TMEM131: variants seen among roughly 807,000 people sequenced by gnomAD.
TMEM131 encodes the protein transmembrane protein 131.
TMEM131 carries 66 observed loss-of-function variants against 211.6 expected under a neutral mutation model. The observed-to-expected ratio is 0.31, with a 90% CI of 0.26 to 0.38. The LOEUF (loss-of-function observed/expected upper bound fraction) is 0.38, where lower values mean the gene tolerates loss of function less well. Ranked by LOEUF, TMEM131 falls within the 10% of genes least tolerant of loss-of-function variation. The probability of loss-of-function intolerance (pLI) is 1.00; values close to 1 mark genes in which losing one functional copy is unlikely to be tolerated. For missense variants in TMEM131, 2,036 were observed against 2,299.3 expected (o/e 0.89, Z 2.34); for synonymous variants, 844 against 841.3 (o/e 1.00, Z -0.06).
chr2:97,888,998 C>T (rs560273259), intron 3 of TMEM131, among the ~76,000 whole-genome samples: 1 of 152,002 alleles, frequency 6.6e-6, no homozygotes, highest in Non-Finnish European at 1.5e-5. Flanking sequence ...TAATTTCATT[C>T]AGGATTAAGG....
intron 34 of TMEM131, 36 bp downstream of exon 34, chr2:97,766,442 C>A: frequency 1.9e-6 from 3 of 1,613,402 alleles, no homozygotes; most frequent in Non-Finnish European, 2.5e-6. Context: ...TGAAAAGATC[C>A]GTAAGACATG....
chr2:97,934,471 T>C (rs1677358794), intron 1 of TMEM131, among the ~76,000 whole-genome samples: 1 of 152,194 alleles, frequency 6.6e-6, no homozygotes, highest in Non-Finnish European at 1.5e-5. Context: ...GGGTTTAATG[T>C]AAACCCTGTA....
chr2:97,987,183 A>G (rs938390395), intron 1 of TMEM131, among the ~76,000 whole-genome samples: 2 of 152,260 alleles, frequency 1.3e-5, no homozygotes, highest in African/African-American at 4.8e-5. Flanking sequence ...CCAAACTGCC[A>G]TATCACTTTG....
chr2:97,970,806 G>A (rs1679264105), intron 1 of TMEM131, among the ~76,000 whole-genome samples: 1 of 152,128 alleles, frequency 6.6e-6, no homozygotes, highest in Admixed American at 6.5e-5. Flanking sequence ...TTTTACCCAG[G>A]AGTGTGCAAG....
intron 2 of TMEM131, among the ~76,000 whole-genome samples, chr2:97,920,975 G>C (rs1676717594): frequency 1.3e-5 from 1 of 75,482 alleles, no homozygotes; most frequent in African/African-American, 3.6e-5. Flanking sequence ...TCCCGAGTGT[G>C]TGTGTGTGTG....
At chr2:97,758,212 C>A (rs1481074354) in intron 40 of TMEM131, among the ~76,000 whole-genome samples, 2 of 151,630 alleles carry the variant, frequency 1.3e-5, no homozygotes, top group Admixed American at 1.3e-4. Context: ...TGAATAATTA[C>A]ACATGAAGAC....
chr2:97,955,284 T>A (rs1004806115), intron 1 of TMEM131, among the ~76,000 whole-genome samples: 1 of 152,314 alleles, frequency 6.6e-6, no homozygotes, highest in Admixed American at 6.5e-5. Context: ...CTCATCATGA[T>A]ACAAATTCTC....
rs17424635 is a variant in TMEM131, at chr2:97,830,793, A to T, written c.1074+2572T>A. Among the ~76,000 whole-genome samples the T allele has an allele frequency of 6.8e-3, 1,039 of 152,338 alleles. 5 individuals are homozygous for T. Among genetic ancestry groups the T allele is most frequent in the Non-Finnish European group, 0.011 (746 of 68,020 alleles). On this transcript the variant is annotated intron_variant, in intron 11 of 40. Coordinates refer to ENST00000186436, the MANE Select transcript of TMEM131 (RefSeq NM_015348.2). ...TTTGGACCTGCGCATCCTGTCTGTT[A>T]GCAGTTGAGGAACTTCTATTTGGAA... is the stretch of plus-strand genomic sequence containing the variant.
intron 5 of TMEM131, among the ~76,000 whole-genome samples, chr2:97,852,064 T>C (rs557828784): frequency 8.2e-4 from 124 of 151,978 alleles, no homozygotes; most frequent in African/African-American, 2.6e-3. Context: ...GCTATTCCAG[T>C]GAACACACAT....
intron 4 of TMEM131, among the ~76,000 whole-genome samples, chr2:97,866,007 C>T (rs918299466): frequency 2.8e-5 from 4 of 144,696 alleles, no homozygotes; most frequent in East Asian, 1.9e-4. Flanking sequence ...CTCAGCCTCC[C>T]GAGTAGCTGG....
chr2:97,911,802 G>A (rs565224399), intron 2 of TMEM131: 1 of 266,698 alleles, frequency 3.7e-6, no homozygotes, highest in African/African-American at 2.3e-5. Flanking sequence ...ACATCCTTAA[G>A]TGTTATGAGA....
chr2:97,979,382 A>C (rs1679688059), intron 1 of TMEM131, among the ~76,000 whole-genome samples: 1 of 152,228 alleles, frequency 6.6e-6, no homozygotes, highest in Non-Finnish European at 1.5e-5. Context: ...GCTATGAGAG[A>C]CCAAGATGGC....
chr2:97,942,980 GAAAGA>G (rs1334882215), intron 1 of TMEM131, among the ~76,000 whole-genome samples: 213 of 33,570 alleles, frequency 6.3e-3, no homozygotes, highest in Middle Eastern at 0.012. Context: ...AAGAAAGAAA[GAAAGA>G]AAAGAAAGAA....
intron 1 of TMEM131, among the ~76,000 whole-genome samples, chr2:97,970,809 T>C (rs1041669791): frequency 6.6e-6 from 1 of 151,934 alleles, no homozygotes; most frequent in Non-Finnish European, 1.5e-5. Flanking sequence ...TACCCAGGAG[T>C]GTGCAAGTAG....
At chr2:97,803,972 A>C (rs539275199) in intron 22 of TMEM131, among the ~76,000 whole-genome samples, 1 of 152,324 alleles carries the variant, frequency 6.6e-6, no homozygotes, top group South Asian at 2.1e-4. Flanking sequence ...TATTCATTTT[A>C]ACCATCTTTT....
intron 5 of TMEM131, among the ~76,000 whole-genome samples, chr2:97,855,137 T>A (rs1239532976): frequency 6.6e-6 from 1 of 152,248 alleles, no homozygotes; most frequent in Non-Finnish European, 1.5e-5. Flanking sequence ...TAAATATTTG[T>A]TAAATTAATT....
chr2:97,866,174 C>T (rs986487187), intron 4 of TMEM131, among the ~76,000 whole-genome samples: 4 of 152,178 alleles, frequency 2.6e-5, no homozygotes, highest in South Asian at 4.1e-4. Context: ...AGCCGCCGTG[C>T]CCAGCCACTT....
intron 5 of TMEM131, among the ~76,000 whole-genome samples, chr2:97,851,230 C>A (rs1188527482): frequency 2.6e-5 from 4 of 152,006 alleles, no homozygotes; most frequent in Non-Finnish European, 4.4e-5. Flanking sequence ...TGCCTATTTG[C>A]CACCTCCTCT....
Position 97,870,356 on chromosome 2 carries a change from G to A in TMEM131, c.360-10929C>T, listed in dbSNP as rs527678802. The stretch of plus-strand genomic sequence containing the variant: ...GATATATGACTACTTGGCTGAACAG[G>A]TAAAATTTAAAAATAAAACAAAGAT... On this transcript the variant is annotated intron_variant, in intron 4 of 40. Transcript: ENST00000186436. Among the ~76,000 whole-genome samples the A allele has an allele frequency of 2.6e-4, 40 of 152,232 alleles. No homozygotes were observed. In the South Asian group the frequency reaches 7.9e-3, roughly 30 times the overall value.
Sources: allele counts gnomAD v4.1 joint callset (sites outside exome capture counted in the v4.1 genomes callset), GRCh38; gene constraint gnomAD v4.1.1; transcripts MANE v1.5; gene names NCBI Gene and HGNC (gene_info 2026-07-23, HGNC 2026-07-21).